PPARGC1B: variants seen among roughly 807,000 people sequenced by gnomAD.
The protein encoded by PPARGC1B is peroxisome proliferator-activated receptor gamma coactivator 1-beta.
In PPARGC1B, 34 loss-of-function variants were observed where a neutral mutation model predicts 101.6. The observed-to-expected ratio is 0.33, with a 90% CI of 0.25 to 0.45. The LOEUF is 0.45. Ranked by LOEUF, PPARGC1B falls within the 20% of genes least tolerant of loss-of-function variation. The pLI is 1.00. For synonymous variants in PPARGC1B, 548 were observed against 539.3 expected (o/e 1.02, Z -0.22); for missense variants, 1,234 against 1,317.6 (o/e 0.94, Z 0.98).
In PPARGC1B at chr5:149,826,790, T is replaced by G; in HGVS notation, c.370T>G (p.Cys124Gly). The G allele has an allele frequency of 6.2e-7, 1 of 1,613,974 alleles. No homozygotes were observed. The highest frequency in any genetic ancestry group is 2.2e-5 in the East Asian group (1 of 44,868). Residue 124 changes from cysteine (C) to glycine (G), a missense_variant, in exon 3 of 12, where the codon TGC becomes GGC. By Grantham distance (159) the Cys-to-Gly change is radical. This residue lies in a region of PPARGC1B where 734 missense variants were observed against 768.4 expected (regional missense o/e 0.96). Coordinates refer to ENST00000309241, the MANE Select transcript of PPARGC1B (RefSeq NM_133263.4). Reference protein sequence around the residue: ...PALDGGDALSCTSASPAPSSA... With the variant: ...PALDGGDALSGTSASPAPSSA... ...CCTGGATGGTGGAGACGCTCTATCA[T>G]GCACCTCAGCTTCGCCTGCCCCCTC...
chr5:149,825,645 T>G (rs1258881508), intron 2 of PPARGC1B, among the ~76,000 whole-genome samples: 1 of 152,200 alleles, frequency 6.6e-6, no homozygotes, highest in Admixed American at 6.5e-5. Flanking sequence ...TGAAATGATC[T>G]TGTTTGTTTG....
At chr5:149,834,553 T>G in intron 5 of PPARGC1B, 121 bp from the exon 6 acceptor site, 1 of 794,356 alleles carries the variant, frequency 1.3e-6, no homozygotes, top group Non-Finnish European at 2.1e-6. Flanking sequence ...AGGTGTTTGG[T>G]CACCTGCCCA....
chr5:149,844,894 A>C lies in PPARGC1B; in HGVS notation c.2817-866A>C, dbSNP rs368593476. 4.8e-4 allele frequency among the ~76,000 whole-genome samples: 73 copies of C among 152,338 alleles called. No homozygotes were observed. In the South Asian group the frequency reaches 0.015, roughly 30 times the overall value. On this transcript the variant is annotated intron_variant, in intron 10 of 11. Transcript: ENST00000309241. ...AATTGACTTTTGGTCCTTCTCGGGC[A>C]GACTTTTCTCCTGGTTGCAGAGTGG...
intron 1 of PPARGC1B, among the ~76,000 whole-genome samples, chr5:149,749,685 G>C (rs1214534377): frequency 2.6e-5 from 4 of 152,212 alleles, no homozygotes; most frequent in Admixed American, 6.5e-5. Flanking sequence ...AGAGTGTCAT[G>C]GTGAGAATAT....
chr5:149,738,574 C>T (rs1166544357), intron 1 of PPARGC1B, among the ~76,000 whole-genome samples: 1 of 152,014 alleles, frequency 6.6e-6, no homozygotes. Flanking sequence ...GAACTTTAAG[C>T]CCCCTCTTGA....
At chr5:149,776,947 G>A (rs1337498430) in intron 1 of PPARGC1B, among the ~76,000 whole-genome samples, 5 of 152,180 alleles carry the variant, frequency 3.3e-5, no homozygotes, top group African/African-American at 4.8e-5. Flanking sequence ...TCCTGGTCCC[G>A]AGTCCTTCCC....
rs190794847 is a variant in PPARGC1B, at chr5:149,832,093, G to A, written c.583-563G>A. 1.2e-3 allele frequency among the ~76,000 whole-genome samples: 190 copies of A among 152,064 alleles called. No homozygotes were observed. The highest frequency in any genetic ancestry group is 4.3e-3 in the African/African-American group (177 of 41,474). On this transcript the variant is annotated intron_variant, in intron 4 of 11. Transcript: ENST00000309241. The surrounding 1 kb of genome is among the most constrained non-coding windows in gnomAD (Gnocchi z 4.9). ...AGGCTGAGGCGGGAGGATCACTTGA[G>A]CTCAGGAGTTCAAGACCAGCCTGGC...
chr5:149,847,009 C>T (rs961819362), intron 11 of PPARGC1B: 9 of 215,792 alleles, frequency 4.2e-5, no homozygotes, highest in African/African-American at 1.1e-4. Flanking sequence ...CACTTGAACC[C>T]GAGAGGCAGA....
intron 4 of PPARGC1B, 77 bp downstream of exon 4, chr5:149,830,960 G>A (rs1028148506): frequency 2.9e-5 from 29 of 997,532 alleles, no homozygotes; most frequent in African/African-American, 8.0e-5. Context: ...GGAGGATAGC[G>A]AGTTCAGTCA....
chr5:149,788,429 G>C (rs572634134), intron 1 of PPARGC1B, among the ~76,000 whole-genome samples: 1 of 152,300 alleles, frequency 6.6e-6, no homozygotes, highest in East Asian at 1.9e-4. Context: ...GGAAACAACA[G>C]GTGCTGGAGA....
At chr5:149,802,641 C>T (rs1757467364) in intron 1 of PPARGC1B, among the ~76,000 whole-genome samples, 1 of 151,122 alleles carries the variant, frequency 6.6e-6, no homozygotes, top group South Asian at 2.1e-4. Flanking sequence ...ACACAGAGCC[C>T]TCATGACACT....
Position 149,833,506 on chromosome 5 carries a change from G to T in PPARGC1B, c.1433G>T (p.Arg478Leu). 1 of 1,565,820 alleles carries T rather than the reference G, an allele frequency of 6.4e-7. No homozygotes were observed. Among genetic ancestry groups the T allele is most frequent in the Non-Finnish European group, 8.7e-7 (1 of 1,155,068 alleles). ...KLESSVCPVR[R>L]SRRLNPELGP... is the part of the protein sequence containing the mutation. ...GAGAGCTCTGTGTGCCCCGTGCGGC[G>T]TTCTCGGAGACTGAACCCTGAGCTG... The change falls in exon 5 of 12, where the codon CGT becomes CTT. Residue 478 changes from arginine to leucine, a missense_variant. Coordinates refer to ENST00000309241, the MANE Select transcript of PPARGC1B (RefSeq NM_133263.4). The surrounding 1 kb of genome is among the most constrained non-coding windows in gnomAD (Gnocchi z 4.1).
intron 1 of PPARGC1B, among the ~76,000 whole-genome samples, chr5:149,739,520 C>T (rs1754838234): frequency 1.3e-5 from 2 of 152,146 alleles, no homozygotes; most frequent in South Asian, 4.1e-4. Flanking sequence ...CTTGCCATTT[C>T]CAGAAGAGAG....
At position 149,842,418 on chromosome 5, in the gene PPARGC1B, G is replaced by A. The variant is rs1759389050; in HGVS notation, c.2816+41G>A. On this transcript the variant is annotated intron_variant, in intron 10 of 11. Coordinates refer to ENST00000309241, the MANE Select transcript of PPARGC1B (RefSeq NM_133263.4). ...CCATGGCAAATGAAGGGAGCAGAGA[G>A]GGGCACTGGTCCTGATCCAGAATTG... The A allele has an allele frequency of 4.4e-6, 7 of 1,600,754 alleles. No individual in the cohort carries two copies. In the South Asian group the frequency reaches 7.7e-5, roughly 18 times the overall value.
At chr5:149,826,524 TGGG>T in intron 2 of PPARGC1B, 146 bp from the exon 3 acceptor site, 1 of 648,468 alleles carries the variant, frequency 1.5e-6, no homozygotes, top group Non-Finnish European at 2.8e-6. Context: ...GCAGCTCTGC[TGGG>T]TGGGCAGAGG....
chr5:149,782,731 G>A (rs72830233), intron 1 of PPARGC1B, among the ~76,000 whole-genome samples: 17,301 of 152,266 alleles, frequency 0.11, 1,310 homozygotes, highest in Admixed American at 0.23. Context: ...GGGTCACGAG[G>A]CCCCGGGTGC....
At position 149,803,822 on chromosome 5, in the gene PPARGC1B, C is replaced by T. The variant is rs145113996; in HGVS notation, c.79-16611C>T. Among the ~76,000 whole-genome samples, 142 of 152,330 alleles carry T rather than the reference C, an allele frequency of 9.3e-4. 1 individual carries two copies. In the East Asian group the frequency reaches 0.021, roughly 23 times the overall value. On this transcript the variant is annotated intron_variant, in intron 1 of 11. Coordinates refer to ENST00000309241, the MANE Select transcript of PPARGC1B (RefSeq NM_133263.4). ...ACTCGCCCAGTTCTTCGCTCTGGAA[C>T]GCACTTCTACATAAGGCAGGCTCAG...
chr5:149,762,406 C>T (rs1456675336), intron 1 of PPARGC1B, among the ~76,000 whole-genome samples: 1 of 152,154 alleles, frequency 6.6e-6, no homozygotes, highest in African/African-American at 2.4e-5. Flanking sequence ...CCTTGGACTC[C>T]CAAAGTGCTG....
chr5:149,768,384 C>T (rs1755995344), intron 1 of PPARGC1B, among the ~76,000 whole-genome samples: 1 of 151,986 alleles, frequency 6.6e-6, no homozygotes, highest in East Asian at 1.9e-4. Context: ...AAGCAATCAT[C>T]CCATTTTAGC....
Sources: gnomAD v4.1 joint callset for allele counts (sites outside exome capture counted in the v4.1 genomes callset) on GRCh38, gnomAD v4.1.1 for gene constraint, gnomAD v4.1.1 regional missense constraint, Gnocchi (gnomAD v3.1) non-coding constraint, MANE v1.5 for transcripts, NCBI Gene and HGNC (gene_info 2026-07-23, HGNC 2026-07-21) for gene names.